The following HEMK2 variants were observed in gnomAD, a reference collection of about 807,000 sequenced individuals.
The protein encoded by HEMK2 is methyltransferase HEMK2.
chr21:28,578,466 T>G, the HEMK2 span, among the ~76,000 whole-genome samples: 2 of 152,318 alleles, frequency 1.3e-5, no homozygotes, highest in East Asian at 3.9e-4. Context: ...ACTTGTTAGT[T>G]GCATATAATC....
the HEMK2 span, among the ~76,000 whole-genome samples, chr21:28,765,130 T>C: frequency 1.5e-4 from 23 of 152,226 alleles, no homozygotes; most frequent in Admixed American, 7.2e-4. Context: ...CAAGTGGGTA[T>C]GTTGAGAAGA....
the HEMK2 span, among the ~76,000 whole-genome samples, chr21:28,721,756 G>C: frequency 6.6e-6 from 1 of 151,992 alleles, no homozygotes; most frequent in Admixed American, 6.5e-5. Context: ...TAACTTGACT[G>C]ATCCTCACTG....
the HEMK2 span, among the ~76,000 whole-genome samples, chr21:28,654,967 C>G: frequency 1.3e-5 from 2 of 151,908 alleles, no homozygotes; most frequent in Admixed American, 6.6e-5. Flanking sequence ...TTGTCTTTTA[C>G]GCTCACCACT....
chr21:28,741,911 G>C, the HEMK2 span, among the ~76,000 whole-genome samples: 2 of 151,970 alleles, frequency 1.3e-5, no homozygotes, highest in African/African-American at 4.8e-5. Context: ...TCTTCCTTTG[G>C]GTATATACCT....
At chr21:28,639,579 T>C in the HEMK2 span, among the ~76,000 whole-genome samples, 2 of 152,210 alleles carry the variant, frequency 1.3e-5, no homozygotes, top group African/African-American at 4.8e-5. Flanking sequence ...GAAGTCTTCA[T>C]GGAGCAGGTG....
the HEMK2 span, among the ~76,000 whole-genome samples, chr21:28,844,208 C>A: frequency 2.0e-5 from 3 of 151,838 alleles, no homozygotes; most frequent in Non-Finnish European, 4.4e-5. Flanking sequence ...ATTTTATTAA[C>A]AGTCAATACC....
At chr21:28,643,624 G>T in the HEMK2 span, among the ~76,000 whole-genome samples, 1 of 152,174 alleles carries the variant, frequency 6.6e-6, no homozygotes, top group African/African-American at 2.4e-5. Context: ...GCTGCAGTGA[G>T]ACAGGACTGC....
the HEMK2 span, among the ~76,000 whole-genome samples, chr21:28,861,032 C>G: frequency 6.6e-6 from 1 of 152,158 alleles, no homozygotes; most frequent in African/African-American, 2.4e-5. Context: ...ACACTTTAGA[C>G]CTATTCGTCC....
the HEMK2 span, among the ~76,000 whole-genome samples, chr21:28,690,547 A>G: frequency 6.6e-6 from 1 of 152,250 alleles, no homozygotes; most frequent in African/African-American, 2.4e-5. Flanking sequence ...TTGTTACAGC[A>G]ATAATAGAGA....
At chr21:28,647,550 A>G in the HEMK2 span, among the ~76,000 whole-genome samples, 1 of 151,578 alleles carries the variant, frequency 6.6e-6, no homozygotes, top group East Asian at 1.9e-4. Context: ...CACTGGGGGA[A>G]TTCTGAGGGG....
At chr21:28,764,151 ACTCAAATC>A in the HEMK2 span, among the ~76,000 whole-genome samples, 3 of 151,958 alleles carry the variant, frequency 2.0e-5, no homozygotes, top group Non-Finnish European at 4.4e-5. Flanking sequence ...AACTATTTAC[ACTCAAATC>A]CTTATCTTAG....
At chr21:28,805,275 A>G in the HEMK2 span, among the ~76,000 whole-genome samples, 1 of 152,182 alleles carries the variant, frequency 6.6e-6, no homozygotes, top group African/African-American at 2.4e-5. Flanking sequence ...TTCCCCATCT[A>G]TAGCAGTTCT....
chr21:28,582,984 T>C, the HEMK2 span, among the ~76,000 whole-genome samples: 3 of 152,066 alleles, frequency 2.0e-5, no homozygotes, highest in South Asian at 2.1e-4. Flanking sequence ...TCAGAGACAA[T>C]AGAGGAATAT....
the HEMK2 span, among the ~76,000 whole-genome samples, chr21:28,879,116 G>C: frequency 2.7e-5 from 3 of 110,730 alleles, no homozygotes; most frequent in African/African-American, 1.1e-4. Context: ...ACAGGGTCTT[G>C]CTCTGTCACC....
chr21:28,606,956 A>G, the HEMK2 span, among the ~76,000 whole-genome samples: 2 of 152,214 alleles, frequency 1.3e-5, no homozygotes, highest in Non-Finnish European at 2.9e-5. Flanking sequence ...AAAGTATGAC[A>G]TATTTATTGA....
chr21:28,581,825 A>G, the HEMK2 span, among the ~76,000 whole-genome samples: 2 of 152,212 alleles, frequency 1.3e-5, no homozygotes, highest in East Asian at 3.8e-4. Context: ...ATTAAAAAGG[A>G]AAATTGAATC....
At chr21:28,605,784 C>T in the HEMK2 span, among the ~76,000 whole-genome samples, 1 of 151,994 alleles carries the variant, frequency 6.6e-6, no homozygotes, top group Non-Finnish European at 1.5e-5. Flanking sequence ...CATTTTAAGG[C>T]CAGTTTTGAT....
the HEMK2 span, among the ~76,000 whole-genome samples, chr21:28,781,430 G>T: frequency 6.6e-6 from 1 of 151,792 alleles, no homozygotes; most frequent in Non-Finnish European, 1.5e-5. Context: ...CCCAATGCAT[G>T]TTCCTGTGTT....
At chr21:28,696,165 T>C in the HEMK2 span, among the ~76,000 whole-genome samples, 1 of 152,060 alleles carries the variant, frequency 6.6e-6, no homozygotes, top group Non-Finnish European at 1.5e-5. Context: ...CAAGAACAGT[T>C]TTGTGGGAAA....
Sources: gnomAD v4.1 joint callset for allele counts (sites outside exome capture counted in the v4.1 genomes callset) on GRCh38, gnomAD v4.1.1 for gene constraint, MANE v1.5 for transcripts, NCBI Gene and HGNC (gene_info 2026-07-23, HGNC 2026-07-21) for gene names.